Variants in RPS4Y1 observed in about 807,000 individuals in gnomAD.
RPS4Y1 encodes small ribosomal subunit protein eS4, Y isoform 1.
For missense variants in RPS4Y1, 30 were observed against 60.9 expected (o/e 0.49, Z 1.69); for synonymous variants, 23 against 20.8 (o/e 1.10, Z -0.28).
intron 4 of RPS4Y1, among the ~76,000 whole-genome samples, chrY:2,846,947 A>G (rs771168884): frequency 3.8e-4 from 13 of 33,984 alleles, no homozygotes; most frequent in African/African-American, 1.5e-3. Flanking sequence ...GCCAGGGTGT[A>G]AAAACCTTGT....
chrY:2,843,184 T>C, intron 2 of RPS4Y1, among the ~76,000 whole-genome samples: 1 of 33,411 alleles, frequency 3.0e-5, no homozygotes, highest in African/African-American at 1.2e-4. Context: ...TCTGCTACTG[T>C]CACCTACTAT....
At chrY:2,864,521 C>T in intron 5 of RPS4Y1, among the ~76,000 whole-genome samples, 1 of 33,099 alleles carries the variant, frequency 3.0e-5, no homozygotes, top group Non-Finnish European at 7.5e-5. Flanking sequence ...GACAAGGTAG[C>T]CTGTGTCCTA....
At chrY:2,844,911 A>C (rs2124489368) in intron 3 of RPS4Y1, among the ~76,000 whole-genome samples, 1 of 32,349 alleles carries the variant, frequency 3.1e-5, no homozygotes, top group African/African-American at 1.2e-4. Flanking sequence ...GTGTACCAAG[A>C]GGGAAGGTAG....
chrY:2,842,734 A>G, intron 2 of RPS4Y1, among the ~76,000 whole-genome samples: 1 of 32,354 alleles, frequency 3.1e-5, no homozygotes, highest in Non-Finnish European at 7.6e-5. Flanking sequence ...CTTGAACCCA[A>G]CCTTGAAGAC....
intron 5 of RPS4Y1, among the ~76,000 whole-genome samples, chrY:2,857,374 G>A (rs781427799): frequency 1.1e-3 from 39 of 33,925 alleles, no homozygotes; most frequent in African/African-American, 4.1e-3. Flanking sequence ...TTTGCTTGGC[G>A]TCATGTCCTC....
chrY:2,844,310 G>A, intron 3 of RPS4Y1, 53 bp downstream of exon 3: 1 of 305,093 alleles, frequency 3.3e-6, no homozygotes, highest in Non-Finnish European at 5.0e-6. Context: ...TTGAGAGAAG[G>A]ACAAGATGTA....
intron 5 of RPS4Y1, among the ~76,000 whole-genome samples, chrY:2,855,004 A>T (rs2124490375): frequency 3.0e-5 from 1 of 33,484 alleles, no homozygotes; most frequent in Non-Finnish European, 7.4e-5. Flanking sequence ...GCCCAGCCTC[A>T]TTCAAGAATG....
At position 2,853,507 on chromosome Y, in the gene RPS4Y1, G is replaced by A. The variant is rs939768490; in HGVS notation, c.361-1093G>A. ...TCCATGGGGAGCCTGTGGTATGTAG[G>A]ATGGGCATTGGCAACCATAAATGGA... On this transcript the variant is annotated intron_variant, in intron 4 of 6. Transcript: ENST00000250784. Among the ~76,000 whole-genome samples the A allele has an allele frequency of 2.1e-4, 7 of 33,836 alleles. No homozygotes were observed. In the East Asian group the frequency reaches 5.4e-3, roughly 26 times the overall value. 90.8% of individuals were successfully genotyped at this position (33,836 alleles called of 37,273 possible). A position where few individuals can be genotyped will look rare whatever the true frequency, so the allele number is the denominator to read the frequency against.
At position 2,841,639 on chromosome Y, in the gene RPS4Y1, A is replaced by G; in HGVS notation, c.3+12A>G. 2.5e-6 allele frequency: 1 copy of G among 392,676 alleles called. No homozygotes were observed. The highest frequency in any genetic ancestry group is 3.6e-6 in the Non-Finnish European group (1 of 277,925). ...AGAGTTTCGCCATGGTAAGACCGAT[A>G]GTTCCTAACTCCTAGTATATCTGCC... is the stretch of plus-strand genomic sequence containing the variant. On this transcript the variant is annotated intron_variant, in intron 1 of 6. Coordinates refer to ENST00000250784, the MANE Select transcript of RPS4Y1 (RefSeq NM_001008.4).
intron 4 of RPS4Y1, among the ~76,000 whole-genome samples, chrY:2,850,115 G>A (rs1003861355): frequency 5.8e-5 from 2 of 34,205 alleles, no homozygotes; most frequent in Non-Finnish European, 1.5e-4. Context: ...GGACCGACAC[G>A]CATCGTGAAG....
chrY:2,863,525 A>G (rs2124491091), intron 5 of RPS4Y1, among the ~76,000 whole-genome samples: 1 of 33,936 alleles, frequency 2.9e-5, no homozygotes, highest in South Asian at 6.5e-4. Context: ...GTCTTGAGCA[A>G]AATAGTAAGT....
At position 2,866,884 on chromosome Y, in the gene RPS4Y1, G is replaced by A; in HGVS notation, c.782G>A (p.Ser261Asn). 2.6e-6 allele frequency: 1 copy of A among 378,520 alleles called. No homozygotes were observed. The highest frequency in any genetic ancestry group is 6.2e-5 in the African/African-American group (1 of 16,047). 94.4% of individuals were successfully genotyped at this position (378,520 alleles called of 400,897 possible). A position where few individuals can be genotyped will look rare whatever the true frequency, so the allele number is the denominator to read the frequency against. ...GATAAGAGGCTGGCCACCAAACAGA[G>A]CAGTGGCTAAATTGCAGTAGCAGCA... ...ERDKRLATKQSSG is the reference protein window; with the variant it reads ...ERDKRLATKQNSG Residue 261 changes from serine (S) to asparagine (N), a missense_variant, in exon 7 of 7, where the codon AGC (serine) becomes AAC (asparagine). Ser to Asn is a conservative substitution (Grantham distance 46). Transcript: ENST00000250784.
In RPS4Y1 at chrY:2,867,163, C is replaced by T. The variant is rs796173262; in HGVS notation, c.*269C>T. Reference sequence around the variant, plus strand: ...AAAACGAAGTACAAAAAACGTATGACATTTCAGAAAGGACGGCATTCTTTT... The same window carrying T: ...AAAACGAAGTACAAAAAACGTATGATATTTCAGAAAGGACGGCATTCTTTT... On this transcript the variant is annotated 3_prime_UTR_variant, in exon 7 of 7. Transcript: ENST00000250784. The T allele has an allele frequency of 1.5e-4, 12 of 81,260 alleles. No individual in the cohort carries two copies. The highest frequency in any genetic ancestry group is 1.1e-3 in the South Asian group (12 of 10,990). 20.3% of individuals were successfully genotyped at this position (81,260 alleles called of 400,897 possible). A position where few individuals can be genotyped will look rare whatever the true frequency, so the allele number is the denominator to read the frequency against.
Position 2,841,634 on chromosome Y carries a change from C to A in RPS4Y1, c.3+7C>A. The A allele has an allele frequency of 2.5e-6, 1 of 393,826 alleles. No homozygotes were observed. Among genetic ancestry groups the A allele is most frequent in the Non-Finnish European group, 3.6e-6 (1 of 279,066 alleles). Reference sequence around the variant, plus strand: ...GTCGCAGAGTTTCGCCATGGTAAGACCGATAGTTCCTAACTCCTAGTATAT... The same window carrying A: ...GTCGCAGAGTTTCGCCATGGTAAGAACGATAGTTCCTAACTCCTAGTATAT... On this transcript the variant is annotated splice_region_variant and intron_variant, in intron 1 of 6. Coordinates refer to ENST00000250784, the MANE Select transcript of RPS4Y1 (RefSeq NM_001008.4).
chrY:2,857,658 C>G, intron 5 of RPS4Y1, among the ~76,000 whole-genome samples: 3 of 34,248 alleles, frequency 8.8e-5, no homozygotes, highest in Non-Finnish European at 1.5e-4. Flanking sequence ...CTCAGGTGAT[C>G]CACCCTCTTT....
chrY:2,852,538 C>A, intron 4 of RPS4Y1, among the ~76,000 whole-genome samples: 1 of 33,986 alleles, frequency 2.9e-5, no homozygotes, highest in Non-Finnish European at 7.3e-5. Context: ...GCTTTCAATT[C>A]TTTGCTTAAC....
chrY:2,844,738 G>A (rs756976470), intron 3 of RPS4Y1, among the ~76,000 whole-genome samples: 7 of 33,539 alleles, frequency 2.1e-4, no homozygotes, highest in African/African-American at 7.0e-4. Flanking sequence ...ACTGGCTAAC[G>A]ATTGGTCAAG....
chrY:2,851,841 G>C (rs2051156478), intron 4 of RPS4Y1, among the ~76,000 whole-genome samples: 1 of 33,120 alleles, frequency 3.0e-5, no homozygotes, highest in South Asian at 6.8e-4. Context: ...CTTATCTGCT[G>C]AATTTGGTTG....
intron 5 of RPS4Y1, among the ~76,000 whole-genome samples, chrY:2,857,551 G>C: frequency 3.0e-5 from 1 of 33,474 alleles, no homozygotes; most frequent in African/African-American, 1.2e-4. Flanking sequence ...GAGTAGCTAA[G>C]ATTTCTGGCA....
Sources: allele counts gnomAD v4.1 joint callset (sites outside exome capture counted in the v4.1 genomes callset), GRCh38; gene constraint gnomAD v4.1.1; transcripts MANE v1.5; gene names NCBI Gene and HGNC (gene_info 2026-07-23, HGNC 2026-07-21).